Variants in FABP12 observed in about 807,000 individuals in gnomAD.
FABP12 encodes the protein fatty acid binding protein 12.
Under a neutral mutation model 13.7 loss-of-function variants are expected in FABP12, and 19 were observed. That is an observed-to-expected ratio of 1.39 (90% confidence interval 0.97 to 2.04). The LOEUF is 2.04. Ranked by LOEUF, FABP12 falls within the 30% of genes most tolerant of loss-of-function variation. The pLI is 0.00. For missense variants in FABP12, 182 were observed against 164.2 expected (o/e 1.11, Z -0.59); for synonymous variants, 61 against 57.0 (o/e 1.07, Z -0.32).
At chr8:81,572,151 T>C (rs2130076631) in intron 1 of FABP12, among the ~76,000 whole-genome samples, 1 of 151,664 alleles carries the variant, frequency 6.6e-6, no homozygotes. Flanking sequence ...TGTATCATTC[T>C]TATGCCTTTG....
chr8:81,525,951 T>C (rs1284463408), intron 4 of FABP12: 1 of 152,188 alleles, frequency 6.6e-6, no homozygotes, highest in Non-Finnish European at 1.5e-5. Flanking sequence ...ATTAAATGAA[T>C]TGTCCAAAGT....
intron 1 of FABP12, among the ~76,000 whole-genome samples, chr8:81,572,440 T>G (rs747848028): frequency 1.3e-5 from 2 of 152,206 alleles, no homozygotes; most frequent in Admixed American, 6.5e-5. Context: ...CTTTTGCGAA[T>G]AATGACTTTT....
At chr8:81,586,219 A>G (rs1303136293) in intron 1 of FABP12, among the ~76,000 whole-genome samples, 2 of 151,778 alleles carry the variant, frequency 1.3e-5, no homozygotes, top group African/African-American at 4.8e-5. Context: ...TATATGTACC[A>G]CATTTTCTTT....
chr8:81,546,795 C>T (rs1372435832), intron 1 of FABP12, among the ~76,000 whole-genome samples: 1 of 152,080 alleles, frequency 6.6e-6, no homozygotes, highest in African/African-American at 2.4e-5. Context: ...CAACTGGTAA[C>T]CCTTGCATAT....
At chr8:81,527,640 G>A (rs1725988275) in intron 3 of FABP12, among the ~76,000 whole-genome samples, 1 of 152,174 alleles carries the variant, frequency 6.6e-6, no homozygotes, top group Non-Finnish European at 1.5e-5. Flanking sequence ...GGGATTACAG[G>A]CATGAGCCAC....
chr8:81,579,479 A>C (rs1810121296), intron 1 of FABP12, among the ~76,000 whole-genome samples: 2 of 152,228 alleles, frequency 1.3e-5, no homozygotes, highest in African/African-American at 4.8e-5. Flanking sequence ...GCCATGTCAT[A>C]AATGTTTAGA....
chr8:81,540,901 C>T (rs1809325000), intron 1 of FABP12, among the ~76,000 whole-genome samples: 1 of 152,134 alleles, frequency 6.6e-6, no homozygotes, highest in African/African-American at 2.4e-5. Context: ...GGCACGGTGG[C>T]TCACACCTGT....
intron 1 of FABP12, among the ~76,000 whole-genome samples, chr8:81,554,060 C>G (rs1054998354): frequency 2.6e-5 from 4 of 152,168 alleles, no homozygotes; most frequent in African/African-American, 9.7e-5. Context: ...CTTGCAACCA[C>G]ACAGTGTATC....
At chr8:81,552,765 T>C (rs1483283721) in intron 1 of FABP12, among the ~76,000 whole-genome samples, 1 of 152,108 alleles carries the variant, frequency 6.6e-6, no homozygotes, top group African/African-American at 2.4e-5. Context: ...ATGATGAATA[T>C]TTGAAGAATT....
intron 1 of FABP12, among the ~76,000 whole-genome samples, chr8:81,532,337 G>T (rs1199473731): frequency 6.6e-6 from 1 of 152,182 alleles, no homozygotes; most frequent in Non-Finnish European, 1.5e-5. Flanking sequence ...ATTATTTTAA[G>T]ACAAGAATGG....
intron 4 of FABP12, 84 bp from the exon 5 acceptor site, chr8:81,525,204 A>T: frequency 1.2e-6 from 1 of 854,594 alleles, no homozygotes; most frequent in South Asian, 1.6e-5. Flanking sequence ...TACTATCCAC[A>T]CATACATTCC....
At position 81,543,663 on chromosome 8, in the gene FABP12, A is replaced by G. The variant is rs368413330; in HGVS notation, c.-184-3920T>C. ...AAATGGCTGGAATGAAGTGCACTCAATGGTTAATGGTGATTGTCTTAGATG... is the reference window on the plus strand; with the variant it reads ...AAATGGCTGGAATGAAGTGCACTCAGTGGTTAATGGTGATTGTCTTAGATG... On this transcript the variant is annotated intron_variant, in intron 1 of 5. Coordinates refer to the FABP12 transcript ENST00000692030. 4.6e-5 allele frequency among the ~76,000 whole-genome samples: 7 copies of G among 152,310 alleles called. No individual in the cohort carries two copies. The South Asian group carries it at 1.2e-3, about 27-fold the overall frequency.
intron 2 of FABP12, among the ~76,000 whole-genome samples, chr8:81,539,152 T>C (rs565891767): frequency 6.6e-6 from 1 of 152,286 alleles, no homozygotes; most frequent in African/African-American, 2.4e-5. Context: ...CCTGGCTACC[T>C]TTATGTTTTA....
chr8:81,571,448 C>CACTGCTGCT (rs1292200338), intron 1 of FABP12, among the ~76,000 whole-genome samples: 2 of 152,370 alleles, frequency 1.3e-5, no homozygotes, highest in African/African-American at 4.8e-5. Flanking sequence ...ACAGGGGACG[C>CACTGCTGCT]ACTGCTGCTA....
At chr8:81,582,307 G>A (rs1810177120) in intron 1 of FABP12, among the ~76,000 whole-genome samples, 3 of 151,622 alleles carry the variant, frequency 2.0e-5, no homozygotes, top group African/African-American at 4.9e-5. Flanking sequence ...ATTTTTAGTA[G>A]AGACAAGGTT....
At chr8:81,580,962 G>A (rs1220635910) in intron 1 of FABP12, among the ~76,000 whole-genome samples, 1 of 152,106 alleles carries the variant, frequency 6.6e-6, no homozygotes, top group Non-Finnish European at 1.5e-5. Flanking sequence ...TAACATTTTT[G>A]ATCCAAGCTG....
intron 3 of FABP12, among the ~76,000 whole-genome samples, chr8:81,527,594 C>A (rs942626804): frequency 6.6e-6 from 1 of 152,128 alleles, no homozygotes; most frequent in African/African-American, 2.4e-5. Flanking sequence ...AATCTCCTGA[C>A]CTTGTGATCT....
chr8:81,570,914 C>G (rs79238531), intron 1 of FABP12, among the ~76,000 whole-genome samples: 7,430 of 152,204 alleles, frequency 0.049, 229 homozygotes, highest in South Asian at 0.095. Context: ...CAGGCCCTCC[C>G]TGGCCTGAAG....
chr8:81,585,104 A>C (rs373984612), intron 1 of FABP12, among the ~76,000 whole-genome samples: 2 of 152,012 alleles, frequency 1.3e-5, no homozygotes, highest in African/African-American at 2.4e-5. Flanking sequence ...ACCATTTGTC[A>C]GTTTTCGGTT....
Sources: allele counts gnomAD v4.1 joint callset (sites outside exome capture counted in the v4.1 genomes callset), GRCh38; gene constraint gnomAD v4.1.1; transcripts MANE v1.5; gene names NCBI Gene and HGNC (gene_info 2026-07-23, HGNC 2026-07-21).